Variants in FAP observed in about 807,000 individuals in gnomAD.
The protein encoded by FAP is fibroblast activation protein alpha, also known as prolyl endopeptidase FAP.
In FAP, 110 loss-of-function variants were observed where a neutral mutation model predicts 126.5. The ratio of observed to expected loss-of-function variants is 0.87; its 90% CI spans 0.74 to 1.02. FAP has a LOEUF of 1.02. Ranked by LOEUF, FAP falls within the 50% of genes least tolerant of loss-of-function variation. The pLI is 0.00. For synonymous variants in FAP, 334 were observed against 297.3 expected (o/e 1.12, Z -1.27); for missense variants, 919 against 909.2 (o/e 1.01, Z -0.14).
Position 162,242,939 on chromosome 2 carries a change from C to A in FAP, c.60G>T (p.Leu20Phe). Residue 20 changes from leucine to phenylalanine, a missense_variant, in exon 2 of 26, where the codon TTG (leucine) becomes TTT (phenylalanine). Coordinates refer to ENST00000188790, the MANE Select transcript of FAP (RefSeq NM_004460.5). ...GVATSAVLAL[L>F]VMCIVLRPSR... is the part of the protein sequence containing the mutation. ...AAGGGCGTAAGACAATGCACATCACCAATAAGGCAAGCACAGCAGAGGTGG... is the reference window on the plus strand; with the variant it reads ...AAGGGCGTAAGACAATGCACATCACAAATAAGGCAAGCACAGCAGAGGTGG... 6.2e-7 allele frequency: 1 copy of A among 1,613,072 alleles called. No homozygotes were observed. The highest frequency in any genetic ancestry group is 8.5e-7 in the Non-Finnish European group (1 of 1,179,436).
rs1689067952 is a variant in FAP at position 162,214,042 on chromosome 2, T to C, written c.898A>G (p.Thr300Ala). The C allele has an allele frequency of 6.2e-7, 1 of 1,614,106 alleles. No homozygotes were observed. The highest frequency in any genetic ancestry group is 2.2e-5 in the East Asian group (1 of 44,870). The change falls in exon 11 of 26, where the codon ACT (threonine) becomes GCT (alanine). Residue 300 changes from threonine (T) to alanine (A), a missense_variant. By Grantham distance (58) the Thr-to-Ala change is moderately conservative. Coordinates refer to ENST00000188790, the MANE Select transcript of FAP (RefSeq NM_004460.5). ...DYYFSWLTWV[T>A]DERVCLQWLK... ...CACTGCAAACATACTCGTTCATCAG[T>C]AACCCACGTGAGCCAACTGAAATAA...
intron 6 of FAP, chr2:162,221,675 T>G: frequency 2.2e-6 from 1 of 456,666 alleles, no homozygotes; most frequent in South Asian, 1.5e-5. Context: ...AAGCTAAAAA[T>G]CTCAGCGCAT....
At chr2:162,234,834 C>T (rs1214096861) in intron 2 of FAP, among the ~76,000 whole-genome samples, 1 of 152,132 alleles carries the variant, frequency 6.6e-6, no homozygotes, top group Admixed American at 6.5e-5. Context: ...GAGCCGGCTC[C>T]CTTGGCTTGC....
At chr2:162,229,636 A>T (rs1689809523) in intron 2 of FAP, among the ~76,000 whole-genome samples, 1 of 152,100 alleles carries the variant, frequency 6.6e-6, no homozygotes, top group Admixed American at 6.6e-5. Flanking sequence ...ATACCTACTC[A>T]TTTTCCTTTT....
intron 7 of FAP, among the ~76,000 whole-genome samples, chr2:162,219,390 A>C (rs1441933503): frequency 6.6e-6 from 1 of 152,214 alleles, no homozygotes; most frequent in East Asian, 1.9e-4. Flanking sequence ...CAAATAAAAA[A>C]TAAAGCCTAT....
rs192817178 is a variant in FAP at position 162,212,690 on chromosome 2, T to G, written c.1002+1248A>C. ...ATTTACTTTGTTTGTTCTGTGCTTT[T>G]CTTTTTACTTTATAAAATATGATTA... On this transcript the variant is annotated intron_variant, in intron 11 of 25. Coordinates refer to ENST00000188790, the MANE Select transcript of FAP (RefSeq NM_004460.5). 2.6e-5 allele frequency among the ~76,000 whole-genome samples: 4 copies of G among 152,364 alleles called. No individual in the cohort carries two copies. In the East Asian group the frequency reaches 7.7e-4, roughly 29 times the overall value.
intron 16 of FAP, among the ~76,000 whole-genome samples, chr2:162,195,351 C>G (rs988463603): frequency 2.0e-5 from 3 of 151,812 alleles, no homozygotes; most frequent in Admixed American, 2.0e-4. Context: ...AAGAATAGGG[C>G]AGGGAAGAAA....
At chr2:162,194,971 G>A in intron 16 of FAP, 2 of 555,030 alleles carry the variant, frequency 3.6e-6, no homozygotes, top group Non-Finnish European at 3.2e-6. Flanking sequence ...AAGAAGCCTT[G>A]CCTGTGCACT....
At chr2:162,200,026 G>A (rs1056484197) in intron 15 of FAP, among the ~76,000 whole-genome samples, 2 of 152,240 alleles carry the variant, frequency 1.3e-5, no homozygotes, top group East Asian at 3.9e-4. Context: ...AGATTAAAAG[G>A]TGCCTGGCAT....
chr2:162,200,453 T>A (rs1272366868), intron 15 of FAP, 113 bp downstream of exon 15: 1 of 625,994 alleles, frequency 1.6e-6, no homozygotes, highest in Non-Finnish European at 2.8e-6. Flanking sequence ...AATTCATAAA[T>A]GATTTTTATT....
rs1470831895 is a variant in FAP at position 162,197,306 on chromosome 2, C to A, written c.1402+1451G>T. Among the ~76,000 whole-genome samples the A allele has an allele frequency of 2.0e-5, 3 of 152,250 alleles. No homozygotes were observed. In the South Asian group the frequency reaches 6.2e-4, roughly 32 times the overall value. Reference sequence around the variant, plus strand: ...ATTAAAAGAATGTAGCCCCTGCCTTCCAGGAGAAAAAGATAGATAAACAGA... The same window carrying A: ...ATTAAAAGAATGTAGCCCCTGCCTTACAGGAGAAAAAGATAGATAAACAGA... On this transcript the variant is annotated intron_variant, in intron 16 of 25. Transcript: ENST00000188790.
intron 21 of FAP, 104 bp from the exon 22 acceptor site, chr2:162,175,070 G>T (rs1687437531): frequency 1.3e-6 from 1 of 749,326 alleles, no homozygotes; most frequent in Admixed American, 2.3e-5. Flanking sequence ...GGGAGCTGGA[G>T]AATATGGCTA....
intron 2 of FAP, among the ~76,000 whole-genome samples, chr2:162,240,305 T>C (rs1690295123): frequency 6.6e-6 from 1 of 152,272 alleles, no homozygotes; most frequent in African/African-American, 2.4e-5. Context: ...TTTTCTCATT[T>C]CACTACTACA....
At chr2:162,228,808 A>C (rs1002552160) in intron 2 of FAP, among the ~76,000 whole-genome samples, 1 of 152,302 alleles carries the variant, frequency 6.6e-6, no homozygotes, top group Admixed American at 6.5e-5. Flanking sequence ...ATTGCCAAGT[A>C]TTGTATTTAA....
At chr2:162,202,084 G>T (rs1688521135) in intron 14 of FAP, among the ~76,000 whole-genome samples, 1 of 152,216 alleles carries the variant, frequency 6.6e-6, no homozygotes, top group Non-Finnish European at 1.5e-5. Flanking sequence ...TTTGCTCCTA[G>T]AATTTCAGCT....
chr2:162,203,845 C>A (rs758867902), intron 12 of FAP, among the ~76,000 whole-genome samples: 18 of 152,188 alleles, frequency 1.2e-4, no homozygotes, highest in Non-Finnish European at 2.4e-4. Flanking sequence ...GAACAAGCCA[C>A]ACCTCAACAT....
At chr2:162,207,092 C>T (rs987110897) in intron 12 of FAP, among the ~76,000 whole-genome samples, 1 of 152,150 alleles carries the variant, frequency 6.6e-6, no homozygotes, top group Non-Finnish European at 1.5e-5. Flanking sequence ...GTCTGAAATA[C>T]ATACACATTT....
chr2:162,194,771 A>G, intron 16 of FAP, 23 bp from the exon 17 acceptor site: 1 of 1,611,274 alleles, frequency 6.2e-7, no homozygotes, highest in Non-Finnish European at 8.5e-7. Context: ...TGAAAACAAA[A>G]TCATGGCTTA....
At chr2:162,183,148 T>C (rs2106221334) in intron 21 of FAP, among the ~76,000 whole-genome samples, 1 of 152,280 alleles carries the variant, frequency 6.6e-6, no homozygotes, top group South Asian at 2.1e-4. Flanking sequence ...TTCAGTTCAG[T>C]ATGCTATAAT....
Sources: allele counts gnomAD v4.1 joint callset (sites outside exome capture counted in the v4.1 genomes callset), GRCh38; gene constraint gnomAD v4.1.1; transcripts MANE v1.5; gene names NCBI Gene and HGNC (gene_info 2026-07-23, HGNC 2026-07-21).